ARGFX: variants seen among roughly 807,000 people sequenced by gnomAD.
ARGFX encodes arginine-fifty homeobox.
Under a neutral mutation model 8.0 loss-of-function variants are expected in ARGFX, and 10 were observed. That is an observed-to-expected ratio of 1.25 (90% CI 0.77 to 2.12). The LOEUF is 2.12. Among genes scored for constraint, ARGFX ranks in the 30% most tolerant of loss-of-function variants. The pLI is 0.00. For synonymous variants in ARGFX, 116 were observed against 117.8 expected, an observed-to-expected ratio of 0.98 and a Z score of 0.10; for missense variants, 282 against 324.3, an observed-to-expected ratio of 0.87 and a Z score of 1.00.
At chr3:121,571,915 G>A (rs1576440219) in intron 2 of ARGFX, among the ~76,000 whole-genome samples, 1 of 151,062 alleles carries the variant, frequency 6.6e-6, no homozygotes, top group East Asian at 2.0e-4. Context: ...TGCAACCTCC[G>A]TCTCCCAGGT....
chr3:121,569,913 C>G (rs1280527161), intron 1 of ARGFX, among the ~76,000 whole-genome samples: 2 of 152,192 alleles, frequency 1.3e-5, no homozygotes, highest in East Asian at 3.8e-4. Context: ...TTGAGGGAGG[C>G]TAGCTGAAGT....
Position 121,588,195 on chromosome 3 carries a change from T to G in ARGFX, c.*1595T>G, listed in dbSNP as rs890409632. 6.7e-6 allele frequency among the ~76,000 whole-genome samples: 1 copy of G among 148,972 alleles called. No homozygotes were observed. Among genetic ancestry groups the G allele is most frequent in the Admixed American group, 6.8e-5 (1 of 14,810 alleles). ...AATAAAGAAACATAAGGGCTGGGGG[T>G]GGTGGCTCATGCCTGTAATCCCAGC... On this transcript the variant is annotated 3_prime_UTR_variant, in exon 5 of 5. Transcript: ENST00000334384.
At position 121,576,840 on chromosome 3, in the gene ARGFX, C is replaced by G; in HGVS notation, c.160C>G (p.Leu54Val). 2.4e-6 allele frequency: 1 copy of G among 415,828 alleles called. No homozygotes were observed. The highest frequency in any genetic ancestry group is 1.7e-5 in the South Asian group (1 of 57,776). The allele number at this position is 415,828 out of a possible 1,614,324, so 25.8% of individuals were successfully genotyped here. Residue 54 changes from leucine to valine, a missense_variant, in exon 3 of 5, where the codon CTC becomes GTC. Coordinates refer to ENST00000334384, the MANE Select transcript of ARGFX (RefSeq NM_001012659.2). ...TGGCACGGTCTCGGCTTACTGCAGC[C>G]TCAACCTCCCAGGTTCAACTGATCC... The part of the protein sequence containing the change: ...CSGTVSAYCS[L>V]NLPGSTDPPT...
In ARGFX at chr3:121,586,034, A is replaced by C; in HGVS notation, c.382A>C (p.Asn128His). ...CCCCTACTCCCAGGTTTGGTTCAGG[A>C]ACCGGCGATTCAAATTGAAGAAGCA... ...PESTVKVWFRNRRFKLKKQQQ... is the reference protein window; with the variant it reads ...PESTVKVWFRHRRFKLKKQQQ... The change falls in exon 5 of 5, where the codon AAC becomes CAC. Residue 128 changes from asparagine (N) to histidine (H), a missense_variant. By Grantham distance (68) the Asn-to-His change is moderately conservative. Coordinates refer to ENST00000334384, the MANE Select transcript of ARGFX (RefSeq NM_001012659.2). The C allele has an allele frequency of 6.3e-7, 1 of 1,576,520 alleles. No homozygotes were observed. The highest frequency in any genetic ancestry group is 8.6e-7 in the Non-Finnish European group (1 of 1,162,510).
chr3:121,586,033 G>A lies in ARGFX; in HGVS notation c.381G>A (p.Arg127=). The change falls in exon 5 of 5, where the codon AGG becomes AGA. Residue 127 remains arginine (R), a synonymous_variant. Transcript: ENST00000334384. ...LPESTVKVWF[R]NRRFKLKKQQ... is the part of the protein sequence containing the mutation. ...TCCCCTACTCCCAGGTTTGGTTCAG[G>A]AACCGGCGATTCAAATTGAAGAAGC... The A allele has an allele frequency of 6.3e-7, 1 of 1,575,458 alleles. No homozygotes were observed. Among genetic ancestry groups the A allele is most frequent in the East Asian group, 2.2e-5 (1 of 44,660 alleles).
intron 3 of ARGFX, among the ~76,000 whole-genome samples, chr3:121,582,150 GTAGT>G (rs1339130150): frequency 6.6e-6 from 1 of 152,070 alleles, no homozygotes; most frequent in East Asian, 1.9e-4. Flanking sequence ...TTTACAGTAA[GTAGT>G]TAGGTTATGG....
chr3:121,570,860 C>G, intron 2 of ARGFX, 44 bp downstream of exon 2: 1 of 1,308,870 alleles, frequency 7.6e-7, no homozygotes, highest in African/African-American at 1.5e-5. Context: ...TCTACTGCCC[C>G]ATTCTCATGC....
chr3:121,568,328 A>C (rs1368935951), intron 1 of ARGFX, among the ~76,000 whole-genome samples: 1 of 152,228 alleles, frequency 6.6e-6, no homozygotes, highest in Non-Finnish European at 1.5e-5. Flanking sequence ...ACTCCATCAT[A>C]GCAACTATTT....
At position 121,586,595 on chromosome 3, in the gene ARGFX, C is replaced by G. The variant is rs768453486; in HGVS notation, c.943C>G (p.Leu315Val). Reference protein sequence around the residue: ...KTSNMVDLGFL With the variant: ...KTSNMVDLGFV ...CTCCAATATGGTAGACTTGGGATTT[C>G]TCTGACCAGAGTACTAATAAATATA... The change falls in exon 5 of 5, where the codon CTC becomes GTC. Residue 315 changes from leucine to valine, a missense_variant. Physicochemically the swap from Leu to Val is conservative, Grantham distance 32. Transcript: ENST00000334384. 3.7e-6 allele frequency: 6 copies of G among 1,611,160 alleles called. No homozygotes were observed. Among genetic ancestry groups the G allele is most frequent in the Non-Finnish European group, 5.1e-6 (6 of 1,178,450 alleles).
At chr3:121,573,424 C>T (rs534660613) in intron 2 of ARGFX, among the ~76,000 whole-genome samples, 2 of 151,152 alleles carry the variant, frequency 1.3e-5, no homozygotes, top group Admixed American at 6.6e-5. Flanking sequence ...GAGACTGCAG[C>T]AGAGATCACG....
intron 4 of ARGFX, 56 bp from the exon 5 acceptor site, chr3:121,585,966 C>T (rs2048809965): frequency 6.7e-7 from 1 of 1,491,838 alleles, no homozygotes; most frequent in Non-Finnish European, 9.0e-7. Flanking sequence ...CAGGAGAATC[C>T]TCCAATGCCT....
intron 3 of ARGFX, among the ~76,000 whole-genome samples, chr3:121,577,259 A>ATTTTTTT (rs869249692): frequency 4.4e-4 from 26 of 59,622 alleles, no homozygotes; most frequent in African/African-American, 1.1e-3. Flanking sequence ...ATATATATAT[A>ATTTTTTT]TTTTTTTTTT....
intron 2 of ARGFX, among the ~76,000 whole-genome samples, chr3:121,572,904 A>G (rs1159174667): frequency 1.3e-5 from 2 of 152,220 alleles, no homozygotes; most frequent in Non-Finnish European, 2.9e-5. Context: ...GGGAGAGGAC[A>G]GTCTCTGAAA....
intron 3 of ARGFX, among the ~76,000 whole-genome samples, chr3:121,579,519 AG>A (rs1253662166): frequency 6.6e-6 from 1 of 152,194 alleles, no homozygotes; most frequent in African/African-American, 2.4e-5. Flanking sequence ...CACAGGACCA[AG>A]CCAGTTCCAG....
At chr3:121,578,926 C>G (rs984761051) in intron 3 of ARGFX, among the ~76,000 whole-genome samples, 1 of 151,898 alleles carries the variant, frequency 6.6e-6, no homozygotes, top group Non-Finnish European at 1.5e-5. Flanking sequence ...ATCCACCTGC[C>G]TTGGCCTCCC....
rs1235082262 is a variant in ARGFX, at chr3:121,590,486, ACCT to A, written c.*3894_*3896del. ...ACCTCTATCTTTCTCTCTCTCTCTTACCTCCTCCTCTCCCTTCCTTCTGCCATG... is the reference window on the plus strand; with the variant it reads ...ACCTCTATCTTTCTCTCTCTCTCTTACCTCCTCTCCCTTCCTTCTGCCATG... On this transcript the variant is annotated 3_prime_UTR_variant, in exon 5 of 5. Transcript: ENST00000334384. Among the ~76,000 whole-genome samples the A allele has an allele frequency of 8.4e-6, 1 of 119,254 alleles. No homozygotes were observed. The highest frequency in any genetic ancestry group is 1.6e-5 in the Non-Finnish European group (1 of 61,854). The allele number at this position is 119,254 out of a possible 152,430, so 78.2% of individuals were successfully genotyped here.
intron 2 of ARGFX, among the ~76,000 whole-genome samples, chr3:121,574,834 A>G (rs962645982): frequency 7.2e-5 from 11 of 152,182 alleles, no homozygotes; most frequent in Admixed American, 2.6e-4. Flanking sequence ...ATGGCTAAGA[A>G]TTTTGCAGAA....
intron 2 of ARGFX, among the ~76,000 whole-genome samples, chr3:121,574,647 G>T (rs963255683): frequency 2.6e-5 from 4 of 152,210 alleles, no homozygotes; most frequent in Non-Finnish European, 5.9e-5. Context: ...TGTAAATACA[G>T]ATAAAGCTTC....
intron 3 of ARGFX, among the ~76,000 whole-genome samples, chr3:121,579,069 T>G (rs1039254737): frequency 2.0e-5 from 3 of 152,218 alleles, no homozygotes; most frequent in Admixed American, 2.0e-4. Flanking sequence ...TTGCATATTA[T>G]GGACTCCTTG....
Sources: allele counts gnomAD v4.1 joint callset (sites outside exome capture counted in the v4.1 genomes callset), GRCh38; gene constraint gnomAD v4.1.1; transcripts MANE v1.5; gene names NCBI Gene and HGNC (gene_info 2026-07-23, HGNC 2026-07-21).